Variants in AADAT observed in about 807,000 individuals in gnomAD.
AADAT encodes kynurenine/alpha-aminoadipate aminotransferase, mitochondrial.
A neutral mutation model predicts 56.2 loss-of-function variants in AADAT; 25 were observed. The observed-to-expected ratio is 0.44, with a 90% CI of 0.32 to 0.62. AADAT has a LOEUF of 0.62. Among genes scored for constraint, AADAT ranks in the 20% least tolerant of loss-of-function variants. AADAT has a pLI of 0.04. For missense variants in AADAT, 387 were observed against 510.5 expected (o/e 0.76, Z 2.33); for synonymous variants, 173 against 164.7 (o/e 1.05, Z -0.39).
intron 4 of AADAT, among the ~76,000 whole-genome samples, chr4:170,075,797 C>T (rs1256876381): frequency 6.6e-6 from 1 of 152,192 alleles, no homozygotes; most frequent in Non-Finnish European, 1.5e-5. Flanking sequence ...TTTCTATCTC[C>T]ACTAATTTGT....
At chr4:170,087,509 C>T (rs1272093205) in intron 2 of AADAT, among the ~76,000 whole-genome samples, 1 of 152,188 alleles carries the variant, frequency 6.6e-6, no homozygotes, top group African/African-American at 2.4e-5. Flanking sequence ...GAATCTACAT[C>T]TTTCTTATTC....
chr4:170,070,742 T>A (rs971856517), intron 5 of AADAT, 90 bp from the exon 6 acceptor site: 1 of 931,120 alleles, frequency 1.1e-6, no homozygotes, highest in African/African-American at 1.7e-5. Context: ...TTATAATTCT[T>A]TGTACTCATT....
chr4:170,089,633 G>A lies in AADAT; in HGVS notation c.58C>T (p.Arg20Trp), dbSNP rs1255576778. The A allele has an allele frequency of 6.2e-7, 1 of 1,614,150 alleles. No homozygotes were observed. The highest frequency in any genetic ancestry group is 8.5e-7 in the Non-Finnish European group (1 of 1,180,014). Residue 20 changes from arginine (R) to tryptophan (W), a missense_variant, in exon 1 of 13, where the codon CGG (arginine) becomes TGG (tryptophan). Arg to Trp is a moderately radical substitution (Grantham distance 101). Transcript: ENST00000337664. Reference protein sequence around the residue: ...ASAARNPSPIRTMTDILSRGP... With the variant: ...ASAARNPSPIWTMTDILSRGP... ...TCACCCCGTTTCTCACTCATGGTCCGGATGGGAGAAGGGTTTCTGGCTGCG... is the reference window on the plus strand; with the variant it reads ...TCACCCCGTTTCTCACTCATGGTCCAGATGGGAGAAGGGTTTCTGGCTGCG...
At chr4:170,063,308 GAAAAGGTAAA>G (rs1234276805) in intron 11 of AADAT, among the ~76,000 whole-genome samples, 2 of 152,140 alleles carry the variant, frequency 1.3e-5, no homozygotes, top group African/African-American at 2.4e-5. Context: ...AGATTATTTA[GAAAAGGTAAA>G]AAAAGAACAT....
chr4:170,062,174 C>T (rs148517792), intron 11 of AADAT, among the ~76,000 whole-genome samples, 181 bp from the exon 12 acceptor site: 38 of 152,188 alleles, frequency 2.5e-4, no homozygotes, highest in African/African-American at 8.9e-4. Context: ...CAAAACTAAA[C>T]ACATAGAAAC....
intron 2 of AADAT, 99 bp downstream of exon 2, chr4:170,088,297 T>C: frequency 8.0e-7 from 1 of 1,256,928 alleles, no homozygotes; most frequent in Non-Finnish European, 1.1e-6. Flanking sequence ...TATTTATGAA[T>C]GGACCTTAGA....
chr4:170,093,379 G>A (rs1160187668), upstream of AADAT, among the ~76,000 whole-genome samples: 1 of 152,098 alleles, frequency 6.6e-6, no homozygotes, highest in East Asian at 1.9e-4. Flanking sequence ...GGAGTCAGCT[G>A]AAGCCGAGAT....
chr4:170,085,462 G>C (rs1011248751), intron 3 of AADAT, among the ~76,000 whole-genome samples: 7 of 152,130 alleles, frequency 4.6e-5, no homozygotes, highest in Non-Finnish European at 5.9e-5. Flanking sequence ...CAAAGTGGAA[G>C]AAATATTAAA....
At position 170,089,834 on chromosome 4, in the gene AADAT, G is replaced by A; in HGVS notation, c.-144C>T. On this transcript the variant is annotated 5_prime_UTR_variant, in exon 1 of 13. Transcript: ENST00000337664. ...GTCCCCCCGCTGCGTCTGGCTTCCC[G>A]CGCGCGGTGCCCGGAGAACGCCGCC... 3 of 795,852 alleles carry A rather than the reference G, an allele frequency of 3.8e-6. No individual in the cohort carries two copies. The highest frequency in any genetic ancestry group is 6.1e-6 in the Non-Finnish European group (3 of 491,522). 49.3% of individuals were successfully genotyped at this position (795,852 alleles called of 1,614,324 possible).
In AADAT at chr4:170,081,505, A is replaced by G. The variant is rs143609504; in HGVS notation, c.370-2922T>C. On this transcript the variant is annotated intron_variant, in intron 3 of 12. Transcript: ENST00000337664. ...TCCAAATAAAACTACCTCAAGGCAT[A>G]TAAGAATTAAACTCTCAAAGGCTAA... is the stretch of plus-strand genomic sequence containing the variant. Among the ~76,000 whole-genome samples the G allele has an allele frequency of 1.6e-4, 25 of 152,328 alleles. No homozygotes were observed. In the South Asian group the frequency reaches 4.1e-3, roughly 25 times the overall value.
At chr4:170,091,333 G>A (rs1341938281), upstream of AADAT, among the ~76,000 whole-genome samples, 1 of 152,114 alleles carries the variant, frequency 6.6e-6, no homozygotes, top group East Asian at 1.9e-4. Flanking sequence ...GCGGCGGGCC[G>A]GCTCCGCCAG....
intron 3 of AADAT, among the ~76,000 whole-genome samples, chr4:170,083,619 C>T (rs557777510): frequency 1.0e-3 from 158 of 152,086 alleles, no homozygotes; most frequent in African/African-American, 3.5e-3. Context: ...GACATAAAAA[C>T]GGCCAAAAGG....
intron 11 of AADAT, 60 bp from the exon 12 acceptor site, chr4:170,062,053 A>G (rs1731219016): frequency 8.6e-7 from 1 of 1,166,324 alleles, no homozygotes; most frequent in Admixed American, 2.0e-5. Context: ...AAGATAATAT[A>G]GTTAAGCCTA....
At chr4:170,084,602 A>G (rs1257695298) in intron 3 of AADAT, among the ~76,000 whole-genome samples, 1 of 152,152 alleles carries the variant, frequency 6.6e-6, no homozygotes, top group Admixed American at 6.5e-5. Context: ...CACAATCCCC[A>G]GTTTGAGTCC....
chr4:170,068,069 G>A (rs1283810086), intron 8 of AADAT, among the ~76,000 whole-genome samples: 2 of 150,618 alleles, frequency 1.3e-5, no homozygotes, highest in African/African-American at 4.9e-5. Flanking sequence ...AACCCGGGAT[G>A]CAGAGGTTGC....
At chr4:170,080,945 A>G (rs1732269544) in intron 3 of AADAT, among the ~76,000 whole-genome samples, 1 of 152,226 alleles carries the variant, frequency 6.6e-6, no homozygotes, top group Non-Finnish European at 1.5e-5. Flanking sequence ...CCCCAAAATG[A>G]CAAAGCAAAA....
chr4:170,068,289 C>A (rs1211807939), intron 8 of AADAT, among the ~76,000 whole-genome samples: 2 of 152,052 alleles, frequency 1.3e-5, no homozygotes. Context: ...AACAAGTGTC[C>A]TATTCTACAC....
At chr4:170,087,010 T>C in intron 3 of AADAT, 106 bp downstream of exon 3, 1 of 1,316,582 alleles carries the variant, frequency 7.6e-7, no homozygotes. Context: ...CAAGAAAGAC[T>C]ACCAGTAATC....
At chr4:170,066,554 C>A in intron 9 of AADAT, 76 bp from the exon 10 acceptor site, 1 of 1,059,002 alleles carries the variant, frequency 9.4e-7, no homozygotes, top group Admixed American at 1.7e-5. Flanking sequence ...AGAGTCCAGG[C>A]TATAAGAATT....
Sources: allele counts gnomAD v4.1 joint callset (sites outside exome capture counted in the v4.1 genomes callset), GRCh38; gene constraint gnomAD v4.1.1; transcripts MANE v1.5; gene names NCBI Gene and HGNC (gene_info 2026-07-23, HGNC 2026-07-21).